Variants in ZNF678 observed in about 807,000 individuals in gnomAD.
ZNF678 encodes zinc finger protein 678.
ZNF678 carries 5 observed loss-of-function variants against 3.0 expected under a neutral mutation model. The ratio of observed to expected loss-of-function variants is 1.69; its 90% confidence interval spans 0.88 to 3.56. The LOEUF (loss-of-function observed/expected upper bound fraction) is 3.56. ZNF678 is among the 30% of genes most tolerant of loss of function. ZNF678 has a pLI of 0.00. For missense variants in ZNF678, 593 were observed against 605.0 expected, an observed-to-expected ratio of 0.98 and a Z score of 0.21; for synonymous variants, 218 against 199.6, an observed-to-expected ratio of 1.09 and a Z score of -0.78.
intron 1 of ZNF678, among the ~76,000 whole-genome samples, chr1:227,627,572 CTGATGTT>C (rs1440946370): frequency 6.6e-6 from 1 of 152,126 alleles, no homozygotes; most frequent in African/African-American, 2.4e-5. Context: ...TAATGGCTTC[CTGATGTT>C]TGATAGGTGT....
rs1340271892 is a variant in ZNF678, at chr1:227,655,934, A to G, written c.*106A>G. The stretch of plus-strand genomic sequence containing the variant: ...TCACAAAATGTAAGCTTCAGAGTGC[A>G]CAACACTATACTGAATGAAATTTAT... On this transcript the variant is annotated 3_prime_UTR_variant, in exon 4 of 4. Transcript: ENST00000343776. The G allele has an allele frequency of 5.0e-6, 4 of 801,522 alleles. No individual in the cohort carries two copies. Among genetic ancestry groups the G allele is most frequent in the Middle Eastern group, 3.9e-4 (1 of 2,572 alleles). 49.7% of individuals were successfully genotyped at this position (801,522 alleles called of 1,614,324 possible). A position where few individuals can be genotyped will look rare whatever the true frequency, so the allele number is the denominator to read the frequency against.
In ZNF678 at chr1:227,563,734, C is replaced by A; in HGVS notation, c.-164+10C>A. On this transcript the variant is annotated intron_variant, in intron 1 of 3. Coordinates refer to ENST00000343776, the MANE Select transcript of ZNF678 (RefSeq NM_001367909.1). ...CGAAAGCCGGAAAACGGTGAGAGTT[C>A]CCGGGAGGGTGTTCCAAGATGGCGG... 3 of 1,319,772 alleles carry A rather than the reference C, an allele frequency of 2.3e-6. No homozygotes were observed. Among genetic ancestry groups the A allele is most frequent in the Non-Finnish European group, 3.0e-6 (3 of 996,420 alleles). 81.8% of individuals were successfully genotyped at this position (1,319,772 alleles called of 1,614,324 possible). A position where few individuals can be genotyped will look rare whatever the true frequency, so the allele number is the denominator to read the frequency against.
chr1:227,563,898 C>G (rs763463830), intron 1 of ZNF678, among the ~76,000 whole-genome samples, 174 bp downstream of exon 1: 3 of 152,210 alleles, frequency 2.0e-5, no homozygotes, highest in Non-Finnish European at 4.4e-5. Flanking sequence ...GCTTCCGCCC[C>G]GGCCTCTCTG....
intron 1 of ZNF678, among the ~76,000 whole-genome samples, chr1:227,610,463 C>T (rs919253174): frequency 2.3e-4 from 35 of 152,184 alleles, no homozygotes; most frequent in African/African-American, 8.2e-4. Context: ...CCTAATTTCA[C>T]ACTGATCATA....
At position 227,657,943 on chromosome 1, in the gene ZNF678, T is replaced by C. The variant is rs1310294668; in HGVS notation, c.*2115T>C. On this transcript the variant is annotated 3_prime_UTR_variant, in exon 4 of 4. Transcript: ENST00000343776. ...GCAAATCCTGTTTTTTTCTTGTCTG[T>C]TGATCATACTAAACCTAATGTATAG... 2 of 151,994 alleles carry C rather than the reference T, an allele frequency of 1.3e-5. No homozygotes were observed. Among genetic ancestry groups the C allele is most frequent in the Non-Finnish European group, 2.9e-5 (2 of 67,900 alleles). 9.4% of individuals were successfully genotyped at this position (151,994 alleles called of 1,614,324 possible).
chr1:227,590,424 A>G (rs1458299230), intron 1 of ZNF678, among the ~76,000 whole-genome samples: 1 of 151,770 alleles, frequency 6.6e-6, no homozygotes. Flanking sequence ...AGGTTTTACC[A>G]GTTTTATTAG....
intron 5 of ZNF678, among the ~76,000 whole-genome samples, chr1:227,676,915 C>G (rs1310030262): frequency 6.6e-6 from 1 of 152,018 alleles, no homozygotes; most frequent in Admixed American, 6.6e-5. Context: ...TTAATCCAGT[C>G]TATCATTGTT....
chr1:227,626,112 A>C (rs1245393723), intron 1 of ZNF678, among the ~76,000 whole-genome samples: 2 of 152,096 alleles, frequency 1.3e-5, no homozygotes, highest in Admixed American at 6.6e-5. Flanking sequence ...AGCATGGAGG[A>C]GGTGCAGTGA....
chr1:227,635,891 A>G (rs1427322728), intron 1 of ZNF678, among the ~76,000 whole-genome samples: 2 of 152,062 alleles, frequency 1.3e-5, no homozygotes, highest in Non-Finnish European at 2.9e-5. Context: ...AGAATCTTAC[A>G]TTCCTGTCTA....
downstream of ZNF678, among the ~76,000 whole-genome samples, chr1:227,677,981 A>C (rs1198116656): frequency 6.6e-6 from 1 of 152,228 alleles, no homozygotes; most frequent in Non-Finnish European, 1.5e-5. Flanking sequence ...GGATATATGC[A>C]TTAGGGGCAG....
At chr1:227,579,833 A>T (rs958109547) in intron 1 of ZNF678, among the ~76,000 whole-genome samples, 2 of 152,194 alleles carry the variant, frequency 1.3e-5, no homozygotes, top group Admixed American at 1.3e-4. Flanking sequence ...CAGATCTGAC[A>T]GTTCCCCTGG....
At chr1:227,583,350 T>TC (rs1353421034) in intron 1 of ZNF678, among the ~76,000 whole-genome samples, 1 of 150,664 alleles carries the variant, frequency 6.6e-6, no homozygotes, top group Admixed American at 6.6e-5. Context: ...TTTTTCTTTT[T>TC]TCTTTTTTTT....
intron 1 of ZNF678, among the ~76,000 whole-genome samples, chr1:227,577,417 T>G (rs1657013920): frequency 6.6e-6 from 1 of 152,238 alleles, no homozygotes; most frequent in Non-Finnish European, 1.5e-5. Flanking sequence ...ATCTGTGTGC[T>G]TCTGTGCTGG....
chr1:227,649,142 T>C (rs1156647528), intron 2 of ZNF678, among the ~76,000 whole-genome samples: 1 of 152,252 alleles, frequency 6.6e-6, no homozygotes, highest in Non-Finnish European at 1.5e-5. Flanking sequence ...TCTTGGCAAT[T>C]GTGAATGATA....
rs1239710994 is a variant in ZNF678, at chr1:227,638,742, G to T, written c.-163-7802G>T. Among the ~76,000 whole-genome samples, 1 of 152,086 alleles carries T rather than the reference G, an allele frequency of 6.6e-6. No individual in the cohort carries two copies. Among genetic ancestry groups the T allele is most frequent in the African/African-American group, 2.4e-5 (1 of 41,398 alleles). On this transcript the variant is annotated intron_variant, in intron 1 of 3. Transcript: ENST00000343776. This position sits in a 1 kb window ranked among gnomAD's most constrained non-coding sequence, Gnocchi z 4.2. ...ATGTCTCTGCTTAGGAGCAGAGTTG[G>T]GCATGAGGGCAGAACTAAGAAAGAG...
chr1:227,675,400 G>A (rs1558165611), intron 5 of ZNF678, among the ~76,000 whole-genome samples: 1 of 152,164 alleles, frequency 6.6e-6, no homozygotes, highest in South Asian at 2.1e-4. Flanking sequence ...ATGGTCTTTT[G>A]TGGCAGCCCA....
intron 1 of ZNF678, chr1:227,598,971 A>T: frequency 2.8e-6 from 3 of 1,065,198 alleles, no homozygotes; most frequent in Non-Finnish European, 4.3e-6. Context: ...TTTTTCTTCA[A>T]ATTCAGCCAA....
chr1:227,580,218 C>T (rs1441523884), intron 1 of ZNF678, among the ~76,000 whole-genome samples: 1 of 152,138 alleles, frequency 6.6e-6, no homozygotes, highest in African/African-American at 2.4e-5. Context: ...TGTCCACTCT[C>T]AGCGCCTTTC....
In ZNF678 at chr1:227,654,958, C is replaced by G; in HGVS notation, c.708C>G (p.Pro236=). Residue 236 remains proline, a synonymous_variant, in exon 4 of 4, where the codon CCC becomes CCG. Coordinates refer to ENST00000343776, the MANE Select transcript of ZNF678 (RefSeq NM_001367909.1). ...AGAGAATTCATACTGGAGAGAAACC[C>G]TACAAATGCAAAGAATGTTGCAAAG... The part of the protein sequence containing the change: ...QHKRIHTGEK[P]YKCKECCKAF... 6.2e-7 allele frequency: 1 copy of G among 1,612,196 alleles called. No homozygotes were observed. The highest frequency in any genetic ancestry group is 1.1e-5 in the South Asian group (1 of 90,996).
Sources: gnomAD v4.1 joint callset for allele counts (sites outside exome capture counted in the v4.1 genomes callset) on GRCh38, gnomAD v4.1.1 for gene constraint, Gnocchi (gnomAD v3.1) non-coding constraint, MANE v1.5 for transcripts, NCBI Gene and HGNC (gene_info 2026-07-23, HGNC 2026-07-21) for gene names.